The following TJP1 variants were observed in gnomAD, a reference collection of about 807,000 sequenced individuals.
The protein encoded by TJP1 is tight junction protein 1, also known as tight junction protein ZO-1.
Under a neutral mutation model 194.2 loss-of-function variants are expected in TJP1, and 43 were observed. The observed-to-expected ratio is 0.22, with a 90% CI of 0.17 to 0.29. TJP1 has a LOEUF of 0.29. Ranked by LOEUF, TJP1 falls within the 10% of genes least tolerant of loss-of-function variation. The probability of loss-of-function intolerance (pLI) is 1.00; values close to 1 mark genes in which losing one functional copy is unlikely to be tolerated. For synonymous variants in TJP1, 801 were observed against 779.0 expected (o/e 1.03, Z -0.47); for missense variants, 1,971 against 2,185.7 (o/e 0.90, Z 1.96).
At chr15:29,960,070 A>G (rs1464938248) in intron 1 of TJP1, among the ~76,000 whole-genome samples, 1 of 152,208 alleles carries the variant, frequency 6.6e-6, no homozygotes, top group Non-Finnish European at 1.5e-5. Context: ...TAGAAAATTA[A>G]TGCAAACATT....
chr15:29,900,298 G>A (rs900000769), intron 2 of TJP1, among the ~76,000 whole-genome samples: 6 of 152,162 alleles, frequency 3.9e-5, no homozygotes, highest in Admixed American at 1.3e-4. Flanking sequence ...GCCTTCCTTT[G>A]GCTTTGACTG....
intron 2 of TJP1, among the ~76,000 whole-genome samples, chr15:29,785,699 C>T (rs1215465639): frequency 6.6e-6 from 1 of 152,172 alleles, no homozygotes; most frequent in Non-Finnish European, 1.5e-5. Flanking sequence ...TCTAGTCTTA[C>T]TTTTCTCCTC....
rs1254897788 is a variant in TJP1, at chr15:29,718,526, C to T, written c.3616G>A (p.Gly1206Arg). Residue 1206 changes from glycine to arginine, a missense_variant, in exon 21 of 28, where the codon GGA becomes AGA. By Grantham distance (125) the Gly-to-Arg change is moderately radical (BLOSUM62 -2). Around this residue, in one of 5 missense-constraint regions of TJP1, gnomAD observed 1,108 missense variants for 1,128.5 expected, o/e 0.98. Transcript: ENST00000614355. The stretch of plus-strand genomic sequence containing the variant: ...AAATGACCTGCTCTAGAGGTAAATC[C>T]TTGGGGTGGTACTTGCTCGTAACTG... ...SRSYEQVPPQ[G>R]FTSRAGHFEP... 1 of 1,614,062 alleles carries T rather than the reference C, an allele frequency of 6.2e-7. No homozygotes were observed. The highest frequency in any genetic ancestry group is 8.5e-7 in the Non-Finnish European group (1 of 1,180,016).
At chr15:29,901,817 T>A (rs1332311322) in intron 2 of TJP1, among the ~76,000 whole-genome samples, 1 of 125,628 alleles carries the variant, frequency 8.0e-6, no homozygotes, top group Non-Finnish European at 1.6e-5. Flanking sequence ...CGAGACTCTA[T>A]CTCAAAAAAA....
intron 5 of TJP1, among the ~76,000 whole-genome samples, chr15:29,763,367 G>A (rs1280042153): frequency 1.3e-5 from 2 of 152,208 alleles, no homozygotes; most frequent in Non-Finnish European, 2.9e-5. Flanking sequence ...CTGGTTCTGT[G>A]AGGAGAGTCT....
At chr15:29,798,856 T>C (rs1356880948) in intron 2 of TJP1, among the ~76,000 whole-genome samples, 1 of 152,178 alleles carries the variant, frequency 6.6e-6, no homozygotes, top group African/African-American at 2.4e-5. Flanking sequence ...AGTAACATCA[T>C]GGAGAAATCC....
upstream of TJP1, among the ~76,000 whole-genome samples, chr15:29,826,391 G>T (rs1003523280): frequency 6.6e-6 from 1 of 151,890 alleles, no homozygotes; most frequent in Non-Finnish European, 1.5e-5. Flanking sequence ...ATCCCTTAGC[G>T]GTTTGTCCTC....
chr15:29,919,235 AAGGTCTCCATCAG>A (rs2152244747), intron 2 of TJP1, among the ~76,000 whole-genome samples: 1 of 152,308 alleles, frequency 6.6e-6, no homozygotes, highest in South Asian at 2.1e-4. Flanking sequence ...AGAGGCAAAC[AAGGTCTCCATCAG>A]AGGAGAGGAG....
rs1183208224 is a variant in TJP1, at chr15:29,732,800, G to A, written c.1752C>T (p.Ala584=). 1.3e-6 allele frequency: 2 copies of A among 1,593,910 alleles called. No individual in the cohort carries two copies. The highest frequency in any genetic ancestry group is 2.3e-5 in the South Asian group (2 of 87,218). ...IPNKNRAEQL[A]SVQYTLPKTA... is the part of the protein sequence containing the mutation. ...TTTTTGGAAGTGTATACTGTACACT[G>A]GCTAGCTGCTCAGCTCTACACAAGA... is the stretch of plus-strand genomic sequence containing the variant. Residue 584 remains alanine (A), a synonymous_variant, in exon 14 of 28, where the codon GCC becomes GCT. Transcript: ENST00000614355.
At chr15:29,753,614 A>G (rs180734185) in intron 8 of TJP1, among the ~76,000 whole-genome samples, 1 of 152,224 alleles carries the variant, frequency 6.6e-6, no homozygotes, top group Admixed American at 6.5e-5. Flanking sequence ...TTACTGGTAA[A>G]ATCTTTCAAC....
intron 2 of TJP1, among the ~76,000 whole-genome samples, chr15:29,873,398 C>T (rs2052592421): frequency 6.6e-6 from 1 of 152,188 alleles, no homozygotes. Flanking sequence ...AACACAGGTC[C>T]TGGAAACCGA....
intron 2 of TJP1, among the ~76,000 whole-genome samples, chr15:29,787,276 A>AC (rs758876375): frequency 2.6e-5 from 4 of 152,166 alleles, no homozygotes; most frequent in Non-Finnish European, 5.9e-5. Context: ...CCCCTACCTC[A>AC]CAACATCTAC....
In TJP1 at chr15:29,701,432, T is replaced by C; in HGVS notation, c.*163A>G. The C allele has an allele frequency of 3.6e-6, 2 of 549,430 alleles. No individual in the cohort carries two copies. The highest frequency in any genetic ancestry group is 2.8e-5 in the East Asian group (1 of 35,476). The allele number at this position is 549,430 out of a possible 1,614,324, so 34.0% of individuals were successfully genotyped here. On this transcript the variant is annotated 3_prime_UTR_variant, in exon 28 of 28. Coordinates refer to ENST00000614355, the MANE Select transcript of TJP1 (RefSeq NM_001330239.4). The stretch of plus-strand genomic sequence containing the variant: ...CAGTGTGTAGCATGTTTTCCGACCA[T>C]GGTTCAGGGGCATGCTCACTCATCT...
chr15:29,840,587 C>T (rs976995466), intron 2 of TJP1, among the ~76,000 whole-genome samples: 1 of 152,076 alleles, frequency 6.6e-6, no homozygotes, highest in African/African-American at 2.4e-5. Context: ...TTCTCCCTAC[C>T]CCATCCCCGC....
chr15:29,816,328 G>T (rs530148430), intron 1 of TJP1, among the ~76,000 whole-genome samples: 4 of 152,032 alleles, frequency 2.6e-5, no homozygotes, highest in Non-Finnish European at 5.9e-5. Flanking sequence ...GCAAATTGGT[G>T]TCTTTCCTAA....
At chr15:29,834,880 G>C (rs1010625326) in intron 2 of TJP1, among the ~76,000 whole-genome samples, 21 of 152,326 alleles carry the variant, frequency 1.4e-4, no homozygotes, top group Admixed American at 7.8e-4. Flanking sequence ...ACAAAGAGCT[G>C]AGGAAAAGCC....
At chr15:29,912,680 A>G (rs919740495) in intron 2 of TJP1, among the ~76,000 whole-genome samples, 6 of 129,608 alleles carry the variant, frequency 4.6e-5, no homozygotes, top group African/African-American at 1.8e-4. Context: ...TGGGAGACAG[A>G]GCAAGACTCT....
intron 2 of TJP1, among the ~76,000 whole-genome samples, chr15:29,897,401 G>A (rs1405922541): frequency 6.6e-6 from 1 of 152,222 alleles, no homozygotes; most frequent in Non-Finnish European, 1.5e-5. Context: ...GGATGTCCAG[G>A]CAGAAGTTTG....
At chr15:29,902,090 G>A (rs1302827549) in intron 2 of TJP1, among the ~76,000 whole-genome samples, 1 of 152,096 alleles carries the variant, frequency 6.6e-6, no homozygotes, top group Non-Finnish European at 1.5e-5. Flanking sequence ...AATTGGAAGA[G>A]GGGAAAAAAT....
Sources: gnomAD v4.1 joint callset for allele counts (sites outside exome capture counted in the v4.1 genomes callset) on GRCh38, gnomAD v4.1.1 for gene constraint, gnomAD v4.1.1 regional missense constraint, MANE v1.5 for transcripts, NCBI Gene and HGNC (gene_info 2026-07-23, HGNC 2026-07-21) for gene names.